CYP4F12: variants seen among roughly 807,000 people sequenced by gnomAD.
The protein encoded by CYP4F12 is cytochrome P450 4F12.
CYP4F12 carries 60 observed loss-of-function variants against 56.5 expected under a neutral mutation model. The ratio of observed to expected loss-of-function variants is 1.06; its 90% CI spans 0.86 to 1.32. The LOEUF (loss-of-function observed/expected upper bound fraction) is 1.32. Ranked by LOEUF, CYP4F12 falls within the 40% of genes most tolerant of loss-of-function variation. CYP4F12 has a pLI of 0.00. For synonymous variants in CYP4F12, 263 were observed against 264.9 expected, an observed-to-expected ratio of 0.99 and a Z score of 0.07; for missense variants, 711 against 683.5, an observed-to-expected ratio of 1.04 and a Z score of -0.45.
At chr19:15,680,336 G>C in intron 4 of CYP4F12, 39 bp downstream of exon 4, 1 of 1,613,466 alleles carries the variant, frequency 6.2e-7, no homozygotes, top group Non-Finnish European at 8.5e-7. Context: ...GGACAACCTT[G>C]CGGGGAGGGT....
At position 15,678,296 on chromosome 19, in the gene CYP4F12, C is replaced by T; in HGVS notation, c.234C>T (p.Thr78=). 6.2e-7 allele frequency: 1 copy of T among 1,614,172 alleles called. No homozygotes were observed. The highest frequency in any genetic ancestry group is 1.1e-5 in the South Asian group (1 of 91,074). ...TPTEEGLKNS[T]QMSATYSQGF... is the part of the protein sequence containing the mutation. ...CAGAGGAGGGCTTGAAGAACTCGACCCAGATGTCGGCCACCTATTCCCAGG... is the reference window on the plus strand; with the variant it reads ...CAGAGGAGGGCTTGAAGAACTCGACTCAGATGTCGGCCACCTATTCCCAGG... The change falls in exon 3 of 13, where the codon ACC becomes ACT. Residue 78 remains threonine, a synonymous_variant. Coordinates refer to ENST00000550308, the MANE Select transcript of CYP4F12 (RefSeq NM_023944.4).
At position 15,678,388 on chromosome 19, in the gene CYP4F12, C is replaced by G. The variant is rs763028591; in HGVS notation, c.326C>G (p.Ser109Cys). The G allele has an allele frequency of 1.2e-6, 2 of 1,614,206 alleles. No individual in the cohort carries two copies. Among genetic ancestry groups the G allele is most frequent in the Non-Finnish European group, 1.7e-6 (2 of 1,180,030 alleles). Residue 109 changes from serine (S) to cysteine (C), a missense_variant, in exon 3 of 13, where the codon TCT becomes TGT. Coordinates refer to ENST00000550308, the MANE Select transcript of CYP4F12 (RefSeq NM_023944.4). ...IVLCHPDTIR[S>C]ITNASAAIAP... is the part of the protein sequence containing the mutation. ...TTATGCCACCCTGACACCATCCGGT[C>G]TATCACCAATGCCTCAGGTACCCAT...
chr19:15,674,851 C>T (rs1409024156), intron 2 of CYP4F12, among the ~76,000 whole-genome samples: 1 of 152,210 alleles, frequency 6.6e-6, no homozygotes, highest in Non-Finnish European at 1.5e-5. Context: ...CTCCCAGAGG[C>T]TCCTGTATGG....
At chr19:15,688,590 C>A (rs929843045) in intron 9 of CYP4F12, among the ~76,000 whole-genome samples, 4 of 152,152 alleles carry the variant, frequency 2.6e-5, no homozygotes, top group Admixed American at 6.5e-5. Context: ...TCATTTTTCA[C>A]ACAACTGGGA....
At chr19:15,692,083 C>T (rs952954937) in intron 9 of CYP4F12, among the ~76,000 whole-genome samples, 4 of 152,078 alleles carry the variant, frequency 2.6e-5, no homozygotes, top group African/African-American at 9.7e-5. Context: ...CTCAGCCTCC[C>T]GAGTAACTGG....
chr19:15,683,650 G>A lies in CYP4F12; in HGVS notation c.805G>A (p.Ala269Thr), dbSNP rs753996796. Residue 269 changes from alanine (A) to threonine (T), a missense_variant, in exon 7 of 13, where the codon GCT (alanine) becomes ACT (threonine). Transcript: ENST00000550308. Reference sequence around the variant, plus strand: ...CCGCCTGGTGCATGACTTCACAGACGCTGTCATCCGGGAGCGGCGTCGCAC... The same window carrying A: ...CCGCCTGGTGCATGACTTCACAGACACTGTCATCCGGGAGCGGCGTCGCAC... Reference protein sequence around the residue: ...ACRLVHDFTDAVIRERRRTLP... With the variant: ...ACRLVHDFTDTVIRERRRTLP... 7 of 1,613,668 alleles carry A rather than the reference G, an allele frequency of 4.3e-6. No individual in the cohort carries two copies. The highest frequency in any genetic ancestry group is 3.3e-5 in the South Asian group (3 of 91,034).
At position 15,683,534 on chromosome 19, in the gene CYP4F12, C is replaced by T. The variant is rs752082642; in HGVS notation, c.689C>T (p.Ala230Val). ...ATTGCCACCATCTTGGAGCTCAGTG[C>T]CCTTGTAGAGAAAAGAAGCCAGCAT... is the stretch of plus-strand genomic sequence containing the variant. ...EYIATILELSALVEKRSQHIL... is the reference protein window; with the variant it reads ...EYIATILELSVLVEKRSQHIL... Residue 230 changes from alanine (A) to valine (V), a missense_variant, in exon 7 of 13, where the codon GCC becomes GTC. Coordinates refer to ENST00000550308, the MANE Select transcript of CYP4F12 (RefSeq NM_023944.4). 2.5e-5 allele frequency: 40 copies of T among 1,612,392 alleles called. No homozygotes were observed. The highest frequency in any genetic ancestry group is 5.3e-5 in the African/African-American group (4 of 74,812).
In CYP4F12 at chr19:15,678,363, T is replaced by G; in HGVS notation, c.301T>G (p.Leu101Val). 6.2e-7 allele frequency: 1 copy of G among 1,614,200 alleles called. No individual in the cohort carries two copies. Among genetic ancestry groups the G allele is most frequent in the South Asian group, 1.1e-5 (1 of 91,086 alleles). The change falls in exon 3 of 13, where the codon TTA becomes GTA. Residue 101 changes from leucine to valine, a missense_variant. Transcript: ENST00000550308. Reference protein sequence around the residue: ...WLGPIIPFIVLCHPDTIRSIT... With the variant: ...WLGPIIPFIVVCHPDTIRSIT... ...GGGTCCCATCATCCCCTTCATCGTTTTATGCCACCCTGACACCATCCGGTC... is the reference window on the plus strand; with the variant it reads ...GGGTCCCATCATCCCCTTCATCGTTGTATGCCACCCTGACACCATCCGGTC...
chr19:15,681,219 G>GA (rs2007282213), intron 5 of CYP4F12: 2 of 146,124 alleles, frequency 1.4e-5, no homozygotes, highest in Admixed American at 1.3e-4. Flanking sequence ...ACTGGCCAAA[G>GA]AAAGTCGAAA....
At chr19:15,693,539 G>GTTTGT (rs2007976506) in intron 9 of CYP4F12, among the ~76,000 whole-genome samples, 2 of 148,902 alleles carry the variant, frequency 1.3e-5, no homozygotes, top group African/African-American at 5.0e-5. Context: ...TGATGGAGTT[G>GTTTGT]TTTTTTTCTT....
chr19:15,675,284 G>C (rs2006863602), intron 2 of CYP4F12, among the ~76,000 whole-genome samples: 1 of 135,660 alleles, frequency 7.4e-6, no homozygotes, highest in Non-Finnish European at 1.6e-5. Flanking sequence ...AGGCAGGATT[G>C]ATCGGTGTGT....
At chr19:15,694,485 CT>C (rs1455223968) in intron 9 of CYP4F12, among the ~76,000 whole-genome samples, 1 of 151,498 alleles carries the variant, frequency 6.6e-6, no homozygotes, top group Non-Finnish European at 1.5e-5. Flanking sequence ...ATTTGGCTCT[CT>C]GTTTGTCTGT....
At chr19:15,675,084 C>T (rs1004726428) in intron 2 of CYP4F12, among the ~76,000 whole-genome samples, 3 of 152,228 alleles carry the variant, frequency 2.0e-5, no homozygotes, top group African/African-American at 7.2e-5. Context: ...TCTCCCACAC[C>T]CTCTCCTTCC....
In CYP4F12 at chr19:15,673,147, G is replaced by A. The variant is rs2006707397; in HGVS notation, c.-2+12G>A. On this transcript the variant is annotated intron_variant, in intron 1 of 12. Transcript: ENST00000550308. ...GCTCCCGACAGAAGGTACCAGGCTG[G>A]GGGTGGCAGGGCTGGAAGGTCCTGG... The A allele has an allele frequency of 8.7e-6, 4 of 459,138 alleles. No individual in the cohort carries two copies. Among genetic ancestry groups the A allele is most frequent in the Middle Eastern group, 3.6e-4 (1 of 2,752 alleles). The allele number at this position is 459,138 out of a possible 1,614,324, so 28.4% of individuals were successfully genotyped here.
intron 5 of CYP4F12, chr19:15,681,239 C>G (rs1446120277): frequency 6.5e-6 from 1 of 153,438 alleles, no homozygotes; most frequent in African/African-American, 2.4e-5. Flanking sequence ...AGTCAAAAGT[C>G]CAGTACAGAC....
intron 9 of CYP4F12, among the ~76,000 whole-genome samples, chr19:15,695,109 C>A (rs1000922385): frequency 1.3e-5 from 2 of 151,968 alleles, no homozygotes; most frequent in Non-Finnish European, 2.9e-5. Context: ...ACCCAAATGT[C>A]CAACAATGAT....
intron 9 of CYP4F12, among the ~76,000 whole-genome samples, chr19:15,686,541 G>A (rs1042017200): frequency 3.9e-5 from 6 of 152,256 alleles, no homozygotes; most frequent in Non-Finnish European, 8.8e-5. Context: ...AAGACAGAAG[G>A]AGACAGAGAG....
chr19:15,677,069 G>GTCCTCCCTCACTCATTCCTC (rs2006981794), intron 2 of CYP4F12, among the ~76,000 whole-genome samples: 1 of 8,622 alleles, frequency 1.2e-4, no homozygotes, highest in Admixed American at 1.6e-3. Flanking sequence ...AGTCATTCCT[G>GTCCTCCCTCACTCATTCCTC]TCCTCACTCA....
At position 15,677,761 on chromosome 19, in the gene CYP4F12, C is replaced by G. The variant is rs146517337; in HGVS notation, c.199-500C>G. Among the ~76,000 whole-genome samples the G allele has an allele frequency of 7.7e-3, 15 of 1,942 alleles. 7 individuals carry two copies. The highest frequency in any genetic ancestry group is 0.037 in the East Asian group (2 of 54). 1.3% of individuals were successfully genotyped at this position (1,942 alleles called of 152,430 possible). A position where few individuals can be genotyped will look rare whatever the true frequency, so the allele number is the denominator to read the frequency against. ...ACTCACTCATTCCTCTACCCATGCA[C>G]TCATTCTTCTCCTCACTCATTCCTT... On this transcript the variant is annotated intron_variant, in intron 2 of 12. Coordinates refer to ENST00000550308, the MANE Select transcript of CYP4F12 (RefSeq NM_023944.4).
Sources: gnomAD v4.1 joint callset for allele counts (sites outside exome capture counted in the v4.1 genomes callset) on GRCh38, gnomAD v4.1.1 for gene constraint, MANE v1.5 for transcripts, NCBI Gene and HGNC (gene_info 2026-07-23, HGNC 2026-07-21) for gene names.